STXBP2: variants seen among roughly 807,000 people sequenced by gnomAD.
STXBP2 encodes the protein syntaxin binding protein 2, also known as syntaxin-binding protein 2.
STXBP2 carries 47 observed loss-of-function variants against 72.2 expected under a neutral mutation model. The ratio of observed to expected loss-of-function variants is 0.65; its 90% CI spans 0.51 to 0.83. STXBP2 has a LOEUF of 0.83. Among genes scored for constraint, STXBP2 ranks in the 40% least tolerant of loss-of-function variants. The pLI is 0.00. For missense variants in STXBP2, 702 were observed against 807.6 expected (o/e 0.87, Z 1.58); for synonymous variants, 367 against 338.7 (o/e 1.08, Z -0.92).
At position 7,642,769 on chromosome 19, in the gene STXBP2, G is replaced by A. The variant is rs1428420181; in HGVS notation, c.906G>A (p.Lys302=). 6.2e-7 allele frequency: 1 copy of A among 1,613,824 alleles called. No homozygotes were observed. The highest frequency in any genetic ancestry group is 2.2e-5 in the East Asian group (1 of 44,880). The change falls in exon 11 of 19, where the codon AAG becomes AAA. Residue 302 remains lysine, a synonymous_variant. Coordinates refer to ENST00000221283, the MANE Select transcript of STXBP2 (RefSeq NM_006949.4). The surrounding 1 kb of genome is among the most constrained non-coding windows in gnomAD (Gnocchi z 6.0). ...CCCCGCCCACCCTCATGGCCAGGAA[G>A]GTCACGGAGCTCCTGAGGACCTTCT... The part of the protein sequence containing the change: ...RHMHIADVSK[K]VTELLRTFCE...
chr19:7,635,883 C>T (rs2031510604), upstream of STXBP2, among the ~76,000 whole-genome samples: 1 of 152,120 alleles, frequency 6.6e-6, no homozygotes, highest in African/African-American at 2.4e-5. Context: ...GTCAGTCTGA[C>T]CTTGTCCTAC....
chr19:7,634,082 A>G (rs2031441765), upstream of STXBP2, among the ~76,000 whole-genome samples: 1 of 152,036 alleles, frequency 6.6e-6, no homozygotes, highest in Admixed American at 6.5e-5. Flanking sequence ...AGACCCCAAA[A>G]CAAGAAAGTC....
In STXBP2 at chr19:7,647,252, G is replaced by C. The variant is rs945620186; in HGVS notation, c.1538+5G>C. The C allele has an allele frequency of 6.2e-7, 1 of 1,610,370 alleles. No individual in the cohort carries two copies. Among genetic ancestry groups the C allele is most frequent in the African/African-American group, 1.3e-5 (1 of 74,862 alleles). ...CAGCTCCCAGGCCGCTGTCAGGTGA[G>C]GCCCCGGGGCCGCCCCCGCCCACGC... On this transcript the variant is annotated splice_donor_5th_base_variant and intron_variant, in intron 17 of 18. Coordinates refer to ENST00000221283, the MANE Select transcript of STXBP2 (RefSeq NM_006949.4).
rs764937841 is a variant in STXBP2 at position 7,639,751 on chromosome 19, C to T, written c.190C>T (p.Arg64Trp). 2.0e-5 allele frequency: 32 copies of T among 1,613,344 alleles called. No homozygotes were observed. The highest frequency in any genetic ancestry group is 5.5e-5 in the South Asian group (5 of 91,042). ...GITIVEDINK[R>W]REPIPSLEAI... ...ACTAGTTGTTGAAGACATCAACAAA[C>T]GGCGGGAACCCATTCCCAGTCTGGA... The change falls in exon 4 of 19, where the codon CGG becomes TGG. Residue 64 changes from arginine to tryptophan, a missense_variant. Physicochemically the swap from Arg to Trp is moderately radical, Grantham distance 101. Coordinates refer to ENST00000221283, the MANE Select transcript of STXBP2 (RefSeq NM_006949.4).
At chr19:7,643,294 G>T (rs746510252) in intron 13 of STXBP2, 49 bp downstream of exon 13, 32 of 1,589,926 alleles carry the variant, frequency 2.0e-5, no homozygotes, top group Non-Finnish European at 2.6e-5. Context: ...GCCAAGGCGG[G>T]GTATTGGGGA....
Position 7,647,338 on chromosome 19 carries a change from C to G in STXBP2, c.1539-16C>G, listed in dbSNP as rs1172084139. The stretch of plus-strand genomic sequence containing the variant: ...GAGGGCCTCCTGCCTGGACTTTCTG[C>G]CCCTGCCCTGCACAGTGCCCGCTTC... On this transcript the variant is annotated splice_polypyrimidine_tract_variant and intron_variant, in intron 17 of 18. Coordinates refer to ENST00000221283, the MANE Select transcript of STXBP2 (RefSeq NM_006949.4). 2 of 1,612,894 alleles carry G rather than the reference C, an allele frequency of 1.2e-6. No individual in the cohort carries two copies. Among genetic ancestry groups the G allele is most frequent in the Non-Finnish European group, 1.7e-6 (2 of 1,179,926 alleles).
upstream of STXBP2, chr19:7,632,525 G>T: frequency 6.2e-7 from 1 of 1,612,382 alleles, no homozygotes. The surrounding 1 kb of genome is among the most constrained non-coding windows in gnomAD (Gnocchi z 5.2). Flanking sequence ...TCTCTGCGTG[G>T]ACGTTCACAG....
At chr19:7,633,817 T>C (rs1268400045), upstream of STXBP2, 1 of 243,836 alleles carries the variant, frequency 4.1e-6, no homozygotes, top group African/African-American at 2.2e-5. Flanking sequence ...GTAGCTGGCT[T>C]AGGGAGGACT....
At position 7,643,054 on chromosome 19, in the gene STXBP2, C is replaced by T; in HGVS notation, c.1026+6C>T. On this transcript the variant is annotated splice_donor_region_variant and intron_variant, in intron 12 of 18. Coordinates refer to ENST00000221283, the MANE Select transcript of STXBP2 (RefSeq NM_006949.4). ...ACCAGAAGGAGCTGAATAAGGTGTG[C>T]TCGGGTGGGCAGGGAGCGGGGACAC... 1 of 1,614,206 alleles carries T rather than the reference C, an allele frequency of 6.2e-7. No individual in the cohort carries two copies. The highest frequency in any genetic ancestry group is 1.1e-5 in the South Asian group (1 of 91,086).
At position 7,640,784 on chromosome 19, in the gene STXBP2, A is replaced by G. The variant is rs762709647; in HGVS notation, c.300A>G (p.Lys100=). Residue 100 remains lysine (K), a synonymous_variant, in exon 5 of 19, where the codon AAA becomes AAG. Transcript: ENST00000221283. ...AGGGGACCCCGACTTTCACCTACAA[A>G]GCGGCCCATATCTTCTTCACCGACA... is the stretch of plus-strand genomic sequence containing the variant. ...DFQGTPTFTY[K]AAHIFFTDTC... 1.9e-6 allele frequency: 3 copies of G among 1,614,138 alleles called. No individual in the cohort carries two copies. Among genetic ancestry groups the G allele is most frequent in the East Asian group, 4.5e-5 (2 of 44,884 alleles).
At chr19:7,638,450 T>G (rs2031652439) in intron 1 of STXBP2, among the ~76,000 whole-genome samples, 1 of 151,810 alleles carries the variant, frequency 6.6e-6, no homozygotes, top group Non-Finnish European at 1.5e-5. Context: ...GAAATAAAAA[T>G]AAATTAGCTG....
At chr19:7,640,862 C>T (rs1267928738) in intron 5 of STXBP2, 38 bp from the exon 6 acceptor site, 1 of 1,613,712 alleles carries the variant, frequency 6.2e-7, no homozygotes, top group Non-Finnish European at 8.5e-7. Flanking sequence ...GGTGTGGGGG[C>T]TGCTCTGGCC....
At chr19:7,646,944 A>G in intron 16 of STXBP2, 1 of 600,518 alleles carries the variant, frequency 1.7e-6, no homozygotes, top group Non-Finnish European at 3.0e-6. Flanking sequence ...CCAAGGAGTT[A>G]TGGAATTAGA....
upstream of STXBP2, among the ~76,000 whole-genome samples, chr19:7,635,150 C>A (rs762155852): frequency 1.2e-4 from 19 of 152,180 alleles, no homozygotes; most frequent in Middle Eastern, 3.2e-3. Flanking sequence ...CTCTGTCCCC[C>A]CAAGGGGTCA....
At position 7,642,508 on chromosome 19, in the gene STXBP2, C is replaced by T. The variant is rs780029103; in HGVS notation, c.874C>T (p.Arg292Cys). 31 of 1,613,910 alleles carry T rather than the reference C, an allele frequency of 1.9e-5. No individual in the cohort carries two copies. The highest frequency in any genetic ancestry group is 2.5e-5 in the Non-Finnish European group (30 of 1,180,020). Residue 292 changes from arginine (R) to cysteine (C), a missense_variant, in exon 10 of 19, where the codon CGC (arginine) becomes TGC (cysteine). Physicochemically the swap from Arg to Cys is radical, Grantham distance 180. Transcript: ENST00000221283. The surrounding 1 kb of genome is among the most constrained non-coding windows in gnomAD (Gnocchi z 6.0). Reference sequence around the variant, plus strand: ...GGACGATGACTTGTGGGTGGAGCTTCGCCACATGCATATCGCAGATGTGTC... The same window carrying T: ...GGACGATGACTTGTGGGTGGAGCTTTGCCACATGCATATCGCAGATGTGTC... ...DEDDDLWVEL[R>C]HMHIADVSKK...
intron 15 of STXBP2, 57 bp from the exon 16 acceptor site, chr19:7,646,192 C>T (rs984421664): frequency 2.6e-5 from 38 of 1,488,198 alleles, no homozygotes; most frequent in Non-Finnish European, 3.4e-5. Context: ...CGCAGCCCCT[C>T]TGTGACCAGC....
At chr19:7,647,122 T>C (rs1169542867) in intron 16 of STXBP2, 40 bp from the exon 17 acceptor site, 1 of 1,602,350 alleles carries the variant, frequency 6.2e-7, no homozygotes, top group African/African-American at 1.3e-5. Context: ...CCGGACCCCA[T>C]GCCTGGGGTT....
the STXBP2 span, chr19:7,631,477 A>G: frequency 3.3e-6 from 5 of 1,535,346 alleles, no homozygotes; most frequent in Non-Finnish European, 3.5e-6. Flanking sequence ...CCCTAGCTTC[A>G]AGAGATAGAG....
intron 4 of STXBP2, chr19:7,640,094 G>A (rs1599392155): frequency 3.3e-6 from 2 of 613,938 alleles, no homozygotes; most frequent in East Asian, 6.5e-5. Flanking sequence ...GTCTGTGTGT[G>A]CATTTGTGTC....
Sources: gnomAD v4.1 joint callset for allele counts (sites outside exome capture counted in the v4.1 genomes callset) on GRCh38, gnomAD v4.1.1 for gene constraint, Gnocchi (gnomAD v3.1) non-coding constraint, MANE v1.5 for transcripts, NCBI Gene and HGNC (gene_info 2026-07-23, HGNC 2026-07-21) for gene names.